ASPRV1: variants seen among roughly 807,000 people sequenced by gnomAD.
ASPRV1 encodes aspartic peptidase retroviral like 1.
In ASPRV1, 7 loss-of-function variants were observed where a neutral mutation model predicts 11.0. The observed-to-expected ratio is 0.64, with a 90% CI of 0.36 to 1.20. The LOEUF is 1.20. Ranked by LOEUF, ASPRV1 falls within the 50% of genes most tolerant of loss-of-function variation. The pLI, the probability that ASPRV1 is intolerant of heterozygous loss-of-function variation, is 0.02. For missense variants in ASPRV1, 299 were observed against 320.0 expected (o/e 0.93, Z 0.50); for synonymous variants, 136 against 138.4 (o/e 0.98, Z 0.12).
the ASPRV1 span, among the ~76,000 whole-genome samples, chr2:69,946,188 C>T: frequency 1.3e-5 from 2 of 152,256 alleles, no homozygotes; most frequent in South Asian, 2.1e-4. Context: ...CCCCAGAAGG[C>T]GGAAAAAACC....
chr2:69,961,669 C>T, upstream of ASPRV1: 1 of 1,552,848 alleles, frequency 6.4e-7, no homozygotes, highest in East Asian at 2.3e-5. Context: ...GATGCCTAGG[C>T]TGGCCCCTGG....
At chr2:70,076,251 G>C in the ASPRV1 span, among the ~76,000 whole-genome samples, 1 of 152,196 alleles carries the variant, frequency 6.6e-6, no homozygotes, top group Non-Finnish European at 1.5e-5. Context: ...ACCTACTAAG[G>C]TGATGCAGCG....
the ASPRV1 span, among the ~76,000 whole-genome samples, chr2:70,057,409 G>A: frequency 1.3e-5 from 2 of 152,012 alleles, no homozygotes; most frequent in South Asian, 4.1e-4. Context: ...AGATCTTGGA[G>A]ATTGTTCCAC....
the ASPRV1 span, among the ~76,000 whole-genome samples, chr2:69,990,977 A>C: frequency 6.6e-6 from 1 of 152,008 alleles, no homozygotes; most frequent in South Asian, 2.1e-4. Flanking sequence ...CCACACCGGC[A>C]CTCATCTCAG....
the ASPRV1 span, among the ~76,000 whole-genome samples, chr2:70,060,903 TTGAG>T: frequency 6.6e-6 from 1 of 152,178 alleles, no homozygotes; most frequent in East Asian, 1.9e-4. Flanking sequence ...CAAGTAGTTA[TTGAG>T]TGTCTCTACA....
At chr2:69,935,820 AG>A in the ASPRV1 span, among the ~76,000 whole-genome samples, 1 of 152,146 alleles carries the variant, frequency 6.6e-6, no homozygotes, top group African/African-American at 2.4e-5. Context: ...AAATCCTCAG[AG>A]GTCTCCCTAT....
chr2:69,961,537 A>G lies in ASPRV1; in HGVS notation c.-101T>C, dbSNP rs1459882674. On this transcript the variant is annotated 5_prime_UTR_variant, in exon 1 of 1. Coordinates refer to ENST00000320256, the MANE Select transcript of ASPRV1 (RefSeq NM_152792.4). ...CACGCTGGAAAACGGGGCCTCTCGA[A>G]GCAGAGTGGGGATGACTTGCCCGGC... 3 of 1,614,042 alleles carry G rather than the reference A, an allele frequency of 1.9e-6. No homozygotes were observed. The highest frequency in any genetic ancestry group is 2.5e-6 in the Non-Finnish European group (3 of 1,180,030).
the ASPRV1 span, among the ~76,000 whole-genome samples, chr2:70,001,512 C>T: frequency 3.3e-5 from 5 of 152,266 alleles, no homozygotes; most frequent in South Asian, 1.0e-3. Context: ...AATCCCAGCA[C>T]TTTGTGAGGC....
At chr2:69,941,623 T>A in the ASPRV1 span, 1 of 152,172 alleles carries the variant, frequency 6.6e-6, no homozygotes, top group Admixed American at 6.5e-5. Context: ...CTCTACTTTT[T>A]CAAAAGCAAC....
the ASPRV1 span, chr2:69,995,195 C>T: frequency 1.3e-5 from 2 of 150,644 alleles, no homozygotes; most frequent in African/African-American, 4.9e-5. Context: ...ACCATCCTGG[C>T]TAACACAGTG....
the ASPRV1 span, among the ~76,000 whole-genome samples, chr2:70,079,673 C>G: frequency 2.4e-4 from 36 of 152,282 alleles, no homozygotes; most frequent in African/African-American, 8.2e-4. Context: ...TAGGGTGCAA[C>G]AGAGTATCAA....
the ASPRV1 span, chr2:70,000,679 A>C: frequency 6.7e-6 from 1 of 150,018 alleles, no homozygotes; most frequent in African/African-American, 2.4e-5. Context: ...AGTCCCAGTT[A>C]CTTGGGAAGC....
the ASPRV1 span, among the ~76,000 whole-genome samples, chr2:70,040,344 A>C: frequency 6.6e-6 from 1 of 152,196 alleles, no homozygotes; most frequent in South Asian, 2.1e-4. Flanking sequence ...ACCGCACTCT[A>C]GCCTGAGTGA....
chr2:70,010,083 G>A, the ASPRV1 span, among the ~76,000 whole-genome samples: 77 of 152,252 alleles, frequency 5.1e-4, no homozygotes, highest in Middle Eastern at 3.4e-3. Flanking sequence ...GGGAAAAGAC[G>A]AAAAGGTAAT....
At chr2:70,021,926 G>A in the ASPRV1 span, among the ~76,000 whole-genome samples, 1 of 145,816 alleles carries the variant, frequency 6.9e-6, no homozygotes, top group Non-Finnish European at 1.5e-5. Context: ...AGATGGTCTC[G>A]ATCTCTTGAC....
At chr2:70,081,846 A>C in the ASPRV1 span, among the ~76,000 whole-genome samples, 1 of 152,084 alleles carries the variant, frequency 6.6e-6, no homozygotes, top group Non-Finnish European at 1.5e-5. Flanking sequence ...CAGCCTCCCA[A>C]AATGCTGGGA....
At chr2:70,030,353 T>G in the ASPRV1 span, 1 of 152,272 alleles carries the variant, frequency 6.6e-6, no homozygotes, top group Non-Finnish European at 1.5e-5. Context: ...GGAGTGAGCT[T>G]CAGGTTGTCC....
the ASPRV1 span, among the ~76,000 whole-genome samples, chr2:70,043,055 T>C: frequency 6.6e-6 from 1 of 152,156 alleles, no homozygotes; most frequent in Non-Finnish European, 1.5e-5. Context: ...GAGAAAACGC[T>C]GTGAGAATTC....
the ASPRV1 span, chr2:70,049,989 A>G: frequency 8.5e-5 from 13 of 152,094 alleles, no homozygotes; most frequent in African/African-American, 3.1e-4. Flanking sequence ...ACCCAAACTG[A>G]AAAAAAATAC....
Sources: allele counts gnomAD v4.1 joint callset (sites outside exome capture counted in the v4.1 genomes callset), GRCh38; gene constraint gnomAD v4.1.1; transcripts MANE v1.5; gene names NCBI Gene and HGNC (gene_info 2026-07-23, HGNC 2026-07-21).